The following DENND5A variants were observed in gnomAD, a reference collection of about 807,000 sequenced individuals.
DENND5A encodes the protein DENN domain-containing protein 5A.
In DENND5A, 64 loss-of-function variants were observed where a neutral mutation model predicts 140.3. The observed-to-expected ratio is 0.46, with a 90% CI of 0.37 to 0.56. DENND5A has a LOEUF of 0.56. Ranked by LOEUF, DENND5A falls within the 20% of genes least tolerant of loss-of-function variation. The pLI, the probability that DENND5A is intolerant of heterozygous loss-of-function variation, is 0.00. For synonymous variants in DENND5A, 605 were observed against 607.7 expected (o/e 1.00, Z 0.07); for missense variants, 1,292 against 1,593.8 (o/e 0.81, Z 3.22).
In DENND5A at chr11:9,241,929, G is replaced by A. The variant is rs554337008; in HGVS notation, c.109+23032C>T. Among the ~76,000 whole-genome samples, 101 of 150,702 alleles carry A rather than the reference G, an allele frequency of 6.7e-4. 1 individual carries two copies. Among genetic ancestry groups the A allele is most frequent in the Non-Finnish European group, 1.3e-3 (89 of 67,878 alleles). ...TTCGGGAGGCTGAGGCAGGAGAATCGCTTGAATCTGGGAGGTGGAGGTTGT... is the reference window on the plus strand; with the variant it reads ...TTCGGGAGGCTGAGGCAGGAGAATCACTTGAATCTGGGAGGTGGAGGTTGT... On this transcript the variant is annotated intron_variant, in intron 1 of 22. Coordinates refer to ENST00000328194, the MANE Select transcript of DENND5A (RefSeq NM_015213.4).
intron 1 of DENND5A, among the ~76,000 whole-genome samples, chr11:9,233,359 A>G (rs899169326): frequency 6.8e-6 from 1 of 147,668 alleles, no homozygotes; most frequent in African/African-American, 2.5e-5. Context: ...AGATCGCGCC[A>G]TTGCACTCTA....
intron 1 of DENND5A, among the ~76,000 whole-genome samples, chr11:9,225,605 CA>C (rs939077002): frequency 2.6e-5 from 4 of 151,650 alleles, no homozygotes; most frequent in Non-Finnish European, 5.9e-5. Flanking sequence ...ACTAAAAATA[CA>C]AAAAAAATCA....
intron 19 of DENND5A, among the ~76,000 whole-genome samples, chr11:9,143,824 T>C (rs999686842): frequency 1.3e-5 from 2 of 152,190 alleles, no homozygotes; most frequent in African/African-American, 4.8e-5. Flanking sequence ...AGTAGGCCCC[T>C]CTCCTTTAAT....
At chr11:9,249,536 TTATTTTATTG>T (rs962163714) in intron 1 of DENND5A, among the ~76,000 whole-genome samples, 6 of 152,172 alleles carry the variant, frequency 3.9e-5, no homozygotes, top group Admixed American at 1.3e-4. Context: ...TTATATTTTT[TTATTTTATTG>T]TATTTTATTG....
intron 4 of DENND5A, among the ~76,000 whole-genome samples, chr11:9,202,589 C>T (rs146052985): frequency 3.9e-5 from 6 of 152,140 alleles, no homozygotes; most frequent in African/African-American, 1.4e-4. Context: ...AAATTGAAAA[C>T]TCTGATGGCT....
chr11:9,257,482 C>CTTT (rs1281178041), intron 1 of DENND5A, among the ~76,000 whole-genome samples: 7 of 119,024 alleles, frequency 5.9e-5, no homozygotes, highest in African/African-American at 1.9e-4. Context: ...ACACAGTATT[C>CTTT]TTTTTTTTTT....
chr11:9,263,569 G>A (rs1441130167), intron 1 of DENND5A, among the ~76,000 whole-genome samples: 1 of 148,988 alleles, frequency 6.7e-6, no homozygotes, highest in African/African-American at 2.4e-5. Flanking sequence ...TGGGCCGGGC[G>A]CGGTGGCTCA....
intron 5 of DENND5A, among the ~76,000 whole-genome samples, chr11:9,185,316 C>A (rs1290613701): frequency 1.3e-5 from 2 of 152,128 alleles, no homozygotes; most frequent in Non-Finnish European, 2.9e-5. Flanking sequence ...TTTTTTTCCA[C>A]AAGATTTAAA....
At position 9,265,177 on chromosome 11, in the gene DENND5A, C is replaced by A; in HGVS notation, c.-108G>T. 7 of 567,454 alleles carry A rather than the reference C, an allele frequency of 1.2e-5. No individual in the cohort carries two copies. Among genetic ancestry groups the A allele is most frequent in the Non-Finnish European group, 1.6e-5 (7 of 446,032 alleles). The allele number at this position is 567,454 out of a possible 1,614,324, so 35.2% of individuals were successfully genotyped here. The stretch of plus-strand genomic sequence containing the variant: ...CCGCCCCTCCCGCCGCCGCCGCTAC[C>A]GCGGCTCGGGCCGCCGCCCCCGGCC... On this transcript the variant is annotated 5_prime_UTR_variant, in exon 1 of 23. Coordinates refer to ENST00000328194, the MANE Select transcript of DENND5A (RefSeq NM_015213.4). The surrounding 1 kb of genome is among the most constrained non-coding windows in gnomAD (Gnocchi z 4.7).
At chr11:9,160,477 C>A (rs1377055082) in intron 12 of DENND5A, among the ~76,000 whole-genome samples, 1 of 152,300 alleles carries the variant, frequency 6.6e-6, no homozygotes, top group East Asian at 1.9e-4. Flanking sequence ...CAGCTCTACC[C>A]CCAGGAAGAA....
chr11:9,238,160 CT>C (rs1851081367), intron 1 of DENND5A, among the ~76,000 whole-genome samples: 1 of 151,964 alleles, frequency 6.6e-6, no homozygotes, highest in Non-Finnish European at 1.5e-5. Context: ...TAACTCTTAA[CT>C]AAGATCGATG....
At chr11:9,252,724 T>C (rs908388850) in intron 1 of DENND5A, among the ~76,000 whole-genome samples, 2 of 152,146 alleles carry the variant, frequency 1.3e-5, no homozygotes, top group African/African-American at 2.4e-5. Flanking sequence ...CACTGGACAT[T>C]AGGCCATCTC....
chr11:9,151,230 A>G (rs900700380), intron 13 of DENND5A, among the ~76,000 whole-genome samples: 1 of 152,254 alleles, frequency 6.6e-6, no homozygotes, highest in Non-Finnish European at 1.5e-5. Flanking sequence ...ATAAAGAACA[A>G]GAATGTTCTG....
chr11:9,183,723 T>A (rs1024806595), intron 5 of DENND5A, among the ~76,000 whole-genome samples: 1 of 152,188 alleles, frequency 6.6e-6, no homozygotes, highest in East Asian at 1.9e-4. Context: ...TTTTAAATTT[T>A]ATACAAGGAT....
chr11:9,160,598 G>A (rs1284763969), intron 12 of DENND5A, 115 bp downstream of exon 12: 1 of 786,278 alleles, frequency 1.3e-6, no homozygotes, highest in Non-Finnish European at 2.0e-6. Flanking sequence ...CTCACTCCAG[G>A]GCACTGTGCA....
chr11:9,178,117 C>G lies in DENND5A; in HGVS notation c.1906+15G>C. ...ATCCAAGAGGCCTGAATGTACATTT[C>G]CAAGGAGGCCTTACCTGCTTCATCC... On this transcript the variant is annotated intron_variant, in intron 8 of 22. Coordinates refer to ENST00000328194, the MANE Select transcript of DENND5A (RefSeq NM_015213.4). The G allele has an allele frequency of 6.4e-7, 1 of 1,561,158 alleles. No individual in the cohort carries two copies. Among genetic ancestry groups the G allele is most frequent in the Non-Finnish European group, 8.8e-7 (1 of 1,131,676 alleles).
In DENND5A at chr11:9,178,203, C is replaced by T; in HGVS notation, c.1835G>A (p.Arg612Lys). The T allele has an allele frequency of 6.2e-7, 1 of 1,614,182 alleles. No individual in the cohort carries two copies. Among genetic ancestry groups the T allele is most frequent in the Non-Finnish European group, 8.5e-7 (1 of 1,180,016 alleles). The change falls in exon 8 of 23, where the codon AGG becomes AAG. Residue 612 changes from arginine (R) to lysine (K), a missense_variant. Arg to Lys is a conservative substitution (Grantham distance 26). Around this residue, in one of 4 missense-constraint regions of DENND5A, gnomAD observed 199 missense variants for 189.1 expected, o/e 1.05. Coordinates refer to ENST00000328194, the MANE Select transcript of DENND5A (RefSeq NM_015213.4). ...AGTAGGTGTCCGAACATTCAACAGC[C>T]TGATCTTGTCAACTCGGGAATCAAA... ...RVFDSRVDKIRLLNVRTPTLR... is the reference protein window; with the variant it reads ...RVFDSRVDKIKLLNVRTPTLR...
At chr11:9,235,325 T>C (rs769713384) in intron 1 of DENND5A, among the ~76,000 whole-genome samples, 2 of 152,138 alleles carry the variant, frequency 1.3e-5, no homozygotes, top group Non-Finnish European at 2.9e-5. Flanking sequence ...TAACAAGGAA[T>C]AAGGTGCTGA....
chr11:9,145,617 C>A (rs956619942), intron 17 of DENND5A, 53 bp downstream of exon 17: 5 of 1,601,112 alleles, frequency 3.1e-6, no homozygotes, highest in South Asian at 1.1e-5. Flanking sequence ...CTCCCCAAAG[C>A]GGCTGTTGCA....
Sources: allele counts gnomAD v4.1 joint callset (sites outside exome capture counted in the v4.1 genomes callset), GRCh38; gene constraint gnomAD v4.1.1; regional missense constraint gnomAD v4.1.1; non-coding constraint Gnocchi (gnomAD v3.1); transcripts MANE v1.5; gene names NCBI Gene and HGNC (gene_info 2026-07-23, HGNC 2026-07-21).